The following ATP8B2 variants were observed in gnomAD, a reference collection of about 807,000 sequenced individuals.
ATP8B2 encodes the protein phospholipid-transporting ATPase ID.
Under a neutral mutation model 133.4 loss-of-function variants are expected in ATP8B2, and 70 were observed. The ratio of observed to expected loss-of-function variants is 0.52; its 90% CI spans 0.43 to 0.64. ATP8B2 has a LOEUF of 0.64. Ranked by LOEUF, ATP8B2 falls within the 30% of genes least tolerant of loss-of-function variation. ATP8B2 has a pLI of 0.00. For synonymous variants in ATP8B2, 517 were observed against 589.5 expected, an observed-to-expected ratio of 0.88 and a Z score of 1.78; for missense variants, 1,101 against 1,535.7, an observed-to-expected ratio of 0.72 and a Z score of 4.73.
Position 154,328,893 on chromosome 1 carries a change from T to A in ATP8B2, c.31+721T>A. The A allele has an allele frequency of 7.9e-7, 1 of 1,267,006 alleles. No individual in the cohort carries two copies. Among genetic ancestry groups the A allele is most frequent in the Non-Finnish European group, 1.0e-6 (1 of 973,174 alleles). The allele number at this position is 1,267,006 out of a possible 1,614,324, so 78.5% of individuals were successfully genotyped here. A position where few individuals can be genotyped will look rare whatever the true frequency, so the allele number is the denominator to read the frequency against. Reference sequence around the variant, plus strand: ...CGGCTGGGGCTCCCCTCTGAGCGGCTGCGGCTCCTGCACCTCCCCGGGGAG... The same window carrying A: ...CGGCTGGGGCTCCCCTCTGAGCGGCAGCGGCTCCTGCACCTCCCCGGGGAG... On this transcript the variant is annotated intron_variant, in intron 2 of 27. Coordinates refer to ENST00000368489, the MANE Select transcript of ATP8B2 (RefSeq NM_001370597.1). This position sits in a 1 kb window ranked among gnomAD's most constrained non-coding sequence, Gnocchi z 4.6.
chr1:154,342,039 T>C (rs1686402050), intron 13 of ATP8B2, among the ~76,000 whole-genome samples: 1 of 152,124 alleles, frequency 6.6e-6, no homozygotes, highest in African/African-American at 2.4e-5. Context: ...GCTGCTGGGA[T>C]GGCCTGGGGC....
Position 154,344,769 on chromosome 1 carries a change from T to C in ATP8B2, c.2270T>C (p.Ile757Thr). The change falls in exon 21 of 28, where the codon ATA (isoleucine) becomes ACA (threonine). Residue 757 changes from isoleucine to threonine, a missense_variant. Physicochemically the swap from Ile to Thr is moderately conservative, Grantham distance 89 (BLOSUM62 -1). Coordinates refer to ENST00000368489, the MANE Select transcript of ATP8B2 (RefSeq NM_001370597.1). This position sits in a 1 kb window ranked among gnomAD's most constrained non-coding sequence, Gnocchi z 4.1. ...GTTGCTGGGGAGTACGCCCTGGTCA[T>C]AAATGGTCACAGCCTGGTAGGCATC... ...EAVAGEYALV[I>T]NGHSLAHALE... 1 of 1,601,910 alleles carries C rather than the reference T, an allele frequency of 6.2e-7. No individual in the cohort carries two copies. The highest frequency in any genetic ancestry group is 8.5e-7 in the Non-Finnish European group (1 of 1,169,978).
In ATP8B2 at chr1:154,334,494, C is replaced by A. The variant is rs757136119; in HGVS notation, c.749-9C>A. On this transcript the variant is annotated splice_polypyrimidine_tract_variant and intron_variant, in intron 10 of 27. Transcript: ENST00000368489. The surrounding 1 kb of genome is among the most constrained non-coding windows in gnomAD (Gnocchi z 4.6). ...TTTGGCTTTCCCAGCCCTTCCCATT[C>A]TTTTCCAGGTCCCGACACTAAGCTG... The A allele has an allele frequency of 1.2e-6, 2 of 1,614,000 alleles. No individual in the cohort carries two copies. The highest frequency in any genetic ancestry group is 1.7e-5 in the Admixed American group (1 of 60,016).
Position 154,331,593 on chromosome 1 carries a change from C to T in ATP8B2, c.366-13C>T, listed in dbSNP as rs1439272968. On this transcript the variant is annotated splice_polypyrimidine_tract_variant and intron_variant, in intron 6 of 27. Coordinates refer to ENST00000368489, the MANE Select transcript of ATP8B2 (RefSeq NM_001370597.1). This position sits in a 1 kb window ranked among gnomAD's most constrained non-coding sequence, Gnocchi z 4.8. ...CTCCTGACAGCCTCTTCACTGTCTT[C>T]TCGTTGCCTCAGCCTCCAGCAGGAG... 1 of 1,614,182 alleles carries T rather than the reference C, an allele frequency of 6.2e-7. No homozygotes were observed. Among genetic ancestry groups the T allele is most frequent in the Admixed American group, 1.7e-5 (1 of 60,028 alleles).
At position 154,330,913 on chromosome 1, in the gene ATP8B2, C is replaced by T; in HGVS notation, c.189C>T (p.Phe63=). The change falls in exon 4 of 28, where the codon TTC becomes TTT. Residue 63 remains phenylalanine (F), a synonymous_variant. Transcript: ENST00000368489. ...FQEVANTYFL[F]LLILQLIPQI... ...AAGTTGCCAACACTTACTTCCTGTTCCTCCTCATTCTGCAGGTAGGTGACC... is the reference window on the plus strand; with the variant it reads ...AAGTTGCCAACACTTACTTCCTGTTTCTCCTCATTCTGCAGGTAGGTGACC... 6.2e-7 allele frequency: 1 copy of T among 1,613,690 alleles called. No individual in the cohort carries two copies. Among genetic ancestry groups the T allele is most frequent in the Non-Finnish European group, 8.5e-7 (1 of 1,179,590 alleles).
rs898938619 is a variant in ATP8B2 at position 154,330,473 on chromosome 1, C to T, written c.90+19C>T. The T allele has an allele frequency of 6.2e-7, 1 of 1,612,152 alleles. No individual in the cohort carries two copies. The highest frequency in any genetic ancestry group is 8.5e-7 in the Non-Finnish European group (1 of 1,178,564). ...GTATGCGGTAAGCGACTCTAGACCA[C>T]CTGTTCCCTCTCTCTGTTTGGAGAG... On this transcript the variant is annotated intron_variant, in intron 3 of 27. Coordinates refer to ENST00000368489, the MANE Select transcript of ATP8B2 (RefSeq NM_001370597.1).
chr1:154,341,769 G>A (rs1187621414), intron 13 of ATP8B2: 1 of 151,448 alleles, frequency 6.6e-6, no homozygotes. Flanking sequence ...CTCCAGCCTG[G>A]GCGACAAGAG....
chr1:154,330,821 T>G lies in ATP8B2; in HGVS notation c.97T>G (p.Cys33Gly). The G allele has an allele frequency of 6.2e-7, 1 of 1,613,476 alleles. No individual in the cohort carries two copies. The highest frequency in any genetic ancestry group is 8.5e-7 in the Non-Finnish European group (1 of 1,179,408). ...YNEKFQYASN[C>G]IKTSKYNILT... ...TTCTCTCCTACTGCCATAGAGTAACTGCATCAAGACCTCCAAGTACAATAT... is the reference window on the plus strand; with the variant it reads ...TTCTCTCCTACTGCCATAGAGTAACGGCATCAAGACCTCCAAGTACAATAT... The change falls in exon 4 of 28, where the codon TGC (cysteine) becomes GGC (glycine). Residue 33 changes from cysteine to glycine, a missense_variant. Cys to Gly is a radical substitution (Grantham distance 159). Transcript: ENST00000368489.
intron 1 of ATP8B2, among the ~76,000 whole-genome samples, chr1:154,327,460 G>A (rs939519361): frequency 3.9e-5 from 6 of 152,164 alleles, no homozygotes; most frequent in Non-Finnish European, 7.4e-5. Context: ...CTCCCCACCA[G>A]GGTTGGGAAG....
In ATP8B2 at chr1:154,346,220, C is replaced by T. The variant is rs1450526200; in HGVS notation, c.2779-11C>T. ...CTGAGGCCCCCTATGCTACATGGTC[C>T]TCCCACACAGGATGTCCCCGAGCAG... On this transcript the variant is annotated splice_polypyrimidine_tract_variant and intron_variant, in intron 24 of 27. Coordinates refer to ENST00000368489, the MANE Select transcript of ATP8B2 (RefSeq NM_001370597.1). This position sits in a 1 kb window ranked among gnomAD's most constrained non-coding sequence, Gnocchi z 4.5. The T allele has an allele frequency of 1.2e-6, 2 of 1,612,306 alleles. No homozygotes were observed. Among genetic ancestry groups the T allele is most frequent in the East Asian group, 4.5e-5 (2 of 44,884 alleles).
At chr1:154,342,697 A>T in intron 14 of ATP8B2, 99 bp from the exon 15 acceptor site, 1 of 1,496,200 alleles carries the variant, frequency 6.7e-7, no homozygotes, top group South Asian at 1.2e-5. Context: ...TCCACCGTGG[A>T]CAGGAGCCTA....
Position 154,344,351 on chromosome 1 carries a change from C to T in ATP8B2, c.2036-44C>T. The T allele has an allele frequency of 6.2e-7, 1 of 1,614,124 alleles. No individual in the cohort carries two copies. The highest frequency in any genetic ancestry group is 8.5e-7 in the Non-Finnish European group (1 of 1,179,980). On this transcript the variant is annotated intron_variant, in intron 19 of 27. Transcript: ENST00000368489. The surrounding 1 kb of genome is among the most constrained non-coding windows in gnomAD (Gnocchi z 4.1). Reference sequence around the variant, plus strand: ...ACATCAGGCAGGCAAGTGTGCTGACCTTGTTGGGTGCCTGTCCGTAGCTCC... The same window carrying T: ...ACATCAGGCAGGCAAGTGTGCTGACTTTGTTGGGTGCCTGTCCGTAGCTCC...
chr1:154,344,329 T>C lies in ATP8B2; in HGVS notation c.2036-66T>C. 1 of 1,614,084 alleles carries C rather than the reference T, an allele frequency of 6.2e-7. No individual in the cohort carries two copies. The highest frequency in any genetic ancestry group is 1.6e-4 in the Middle Eastern group (1 of 6,062). On this transcript the variant is annotated intron_variant, in intron 19 of 27. Coordinates refer to ENST00000368489, the MANE Select transcript of ATP8B2 (RefSeq NM_001370597.1). This position sits in a 1 kb window ranked among gnomAD's most constrained non-coding sequence, Gnocchi z 4.1. ...GGACCCTTGCATGGAGCCGAGGACA[T>C]CAGGCAGGCAAGTGTGCTGACCTTG... is the stretch of plus-strand genomic sequence containing the variant.
At position 154,351,157 on chromosome 1, in the gene ATP8B2, G is replaced by T. The variant is rs1368903576; in HGVS notation, c.*2039G>T. The T allele has an allele frequency of 6.7e-6, 1 of 148,956 alleles. No homozygotes were observed. The allele number at this position is 148,956 out of a possible 1,614,324, so 9.2% of individuals were successfully genotyped here. ...ATATATTATTTTTTGGTTCTCTCTCGTTTTTTAGGGAGGGAAGAAAGTACC... is the reference window on the plus strand; with the variant it reads ...ATATATTATTTTTTGGTTCTCTCTCTTTTTTTAGGGAGGGAAGAAAGTACC... On this transcript the variant is annotated 3_prime_UTR_variant, in exon 28 of 28. Transcript: ENST00000368489.
In ATP8B2 at chr1:154,346,876, T is replaced by G; in HGVS notation, c.3163+118T>G. On this transcript the variant is annotated intron_variant, in intron 26 of 27. Coordinates refer to ENST00000368489, the MANE Select transcript of ATP8B2 (RefSeq NM_001370597.1). This position sits in a 1 kb window ranked among gnomAD's most constrained non-coding sequence, Gnocchi z 4.5. ...TATGTGCCAAGTATTCTGTTTATTTTATTTATTTATTTATTTATTTTCGAG... is the reference window on the plus strand; with the variant it reads ...TATGTGCCAAGTATTCTGTTTATTTGATTTATTTATTTATTTATTTTCGAG... 9.5e-7 allele frequency: 1 copy of G among 1,054,502 alleles called. No homozygotes were observed. The highest frequency in any genetic ancestry group is 1.3e-6 in the Non-Finnish European group (1 of 776,588). 65.3% of individuals were successfully genotyped at this position (1,054,502 alleles called of 1,614,324 possible).
Position 154,330,820 on chromosome 1 carries a change from C to T in ATP8B2, c.96C>T (p.Asn32=), listed in dbSNP as rs1344375191. The change falls in exon 4 of 28, where the codon AAC becomes AAT. Residue 32 remains asparagine, a synonymous_variant. Transcript: ENST00000368489. ...CTTCTCTCCTACTGCCATAGAGTAACTGCATCAAGACCTCCAAGTACAATA... is the reference window on the plus strand; with the variant it reads ...CTTCTCTCCTACTGCCATAGAGTAATTGCATCAAGACCTCCAAGTACAATA... ...EYNEKFQYAS[N]CIKTSKYNIL... 3.7e-6 allele frequency: 6 copies of T among 1,613,164 alleles called. No individual in the cohort carries two copies. In the African/African-American group the frequency reaches 8.0e-5, roughly 22 times the overall value.
Position 154,350,085 on chromosome 1 carries a change from T to G in ATP8B2, c.*967T>G, listed in dbSNP as rs1486602229. ...TTTTTCTTTTTCTTTTTTTCTTTTT[T>G]TTTTTGAGATGGAGTCTCACTCTTG... On this transcript the variant is annotated 3_prime_UTR_variant, in exon 28 of 28. Coordinates refer to ENST00000368489, the MANE Select transcript of ATP8B2 (RefSeq NM_001370597.1). 6.6e-6 allele frequency: 1 copy of G among 151,946 alleles called. No individual in the cohort carries two copies. The highest frequency in any genetic ancestry group is 2.4e-5 in the African/African-American group (1 of 41,350). 9.4% of individuals were successfully genotyped at this position (151,946 alleles called of 1,614,324 possible). A position where few individuals can be genotyped will look rare whatever the true frequency, so the allele number is the denominator to read the frequency against.
rs754526214 is a variant in ATP8B2 at position 154,344,967 on chromosome 1, C to G, written c.2287-4C>G. Reference sequence around the variant, plus strand: ...TGGCTCTCTCAGGTTTCTCTGTGCTCCAGGCCCACGCACTGGAGGCAGACA... The same window carrying G: ...TGGCTCTCTCAGGTTTCTCTGTGCTGCAGGCCCACGCACTGGAGGCAGACA... On this transcript the variant is annotated splice_region_variant and splice_polypyrimidine_tract_variant and intron_variant, in intron 21 of 27. Transcript: ENST00000368489. This position sits in a 1 kb window ranked among gnomAD's most constrained non-coding sequence, Gnocchi z 4.1. The G allele has an allele frequency of 6.2e-7, 1 of 1,609,232 alleles. No homozygotes were observed. Among genetic ancestry groups the G allele is most frequent in the Non-Finnish European group, 8.5e-7 (1 of 1,177,220 alleles).
intron 2 of ATP8B2, chr1:154,329,091 G>C: frequency 7.8e-7 from 1 of 1,285,078 alleles, no homozygotes; most frequent in South Asian, 1.3e-5. Context: ...GGGAGGCAGC[G>C]CCTGGCAGCT....
Sources: allele counts gnomAD v4.1 joint callset (sites outside exome capture counted in the v4.1 genomes callset), GRCh38; gene constraint gnomAD v4.1.1; non-coding constraint Gnocchi (gnomAD v3.1); transcripts MANE v1.5; gene names NCBI Gene and HGNC (gene_info 2026-07-23, HGNC 2026-07-21).